ZNF678: variants seen among roughly 807,000 people sequenced by gnomAD.
ZNF678 encodes the protein zinc finger protein 678.
Under a neutral mutation model 3.0 loss-of-function variants are expected in ZNF678, and 5 were observed. That is an observed-to-expected ratio of 1.69 (90% CI 0.88 to 3.56). ZNF678 has a LOEUF of 3.56. Among genes scored for constraint, ZNF678 ranks in the 30% most tolerant of loss-of-function variants. The pLI is 0.00. For synonymous variants in ZNF678, 218 were observed against 199.6 expected, an observed-to-expected ratio of 1.09 and a Z score of -0.78; for missense variants, 593 against 605.0, an observed-to-expected ratio of 0.98 and a Z score of 0.21.
At chr1:227,611,411 CCTCA>C (rs1258747046) in intron 1 of ZNF678, among the ~76,000 whole-genome samples, 2 of 152,166 alleles carry the variant, frequency 1.3e-5, no homozygotes, top group Admixed American at 6.5e-5. Flanking sequence ...AATCAGCCTC[CCTCA>C]CTCACTCACA....
chr1:227,662,595 A>G (rs368517351), downstream of ZNF678: 1 of 152,202 alleles, frequency 6.6e-6, no homozygotes, highest in African/African-American at 2.4e-5. Flanking sequence ...GAAACCCCAA[A>G]TAAGTATTAA....
At chr1:227,629,159 T>C (rs1488167268) in intron 1 of ZNF678, among the ~76,000 whole-genome samples, 3 of 152,162 alleles carry the variant, frequency 2.0e-5, no homozygotes, top group African/African-American at 7.2e-5. Context: ...TCCTTAACAA[T>C]CTTTTGGAGT....
At chr1:227,669,015 A>T (rs1659555169) in intron 5 of ZNF678, among the ~76,000 whole-genome samples, 1 of 152,150 alleles carries the variant, frequency 6.6e-6, no homozygotes, top group Non-Finnish European at 1.5e-5. Flanking sequence ...GGAATTTAAG[A>T]CCAAGCCCCC....
Position 227,601,574 on chromosome 1 carries a change from A to AT in ZNF678, c.-164+37858dup, listed in dbSNP as rs527535456. Among the ~76,000 whole-genome samples, 746 of 129,836 alleles carry AT rather than the reference A, an allele frequency of 5.7e-3. 5 individuals are homozygous for AT. The highest frequency in any genetic ancestry group is 8.8e-3 in the Admixed American group (116 of 13,184). The allele number at this position is 129,836 out of a possible 152,430, so 85.2% of individuals were successfully genotyped here. A position where few individuals can be genotyped will look rare whatever the true frequency, so the allele number is the denominator to read the frequency against. On this transcript the variant is annotated intron_variant, in intron 1 of 3. Transcript: ENST00000343776. Reference sequence around the variant, plus strand: ...AATTTTATTTATTTATTTTTATTTTATTTTTTTTGAGACGGAGTCTCACTC... The same window carrying AT: ...AATTTTATTTATTTATTTTTATTTTATTTTTTTTTGAGACGGAGTCTCACTC...
intron 1 of ZNF678, chr1:227,598,726 A>T (rs145065989): frequency 1.9e-5 from 10 of 526,216 alleles, no homozygotes; most frequent in African/African-American, 1.5e-4. Context: ...TCAGATTATG[A>T]CATGGAGCTT....
At chr1:227,594,848 C>A (rs924210300) in intron 1 of ZNF678, among the ~76,000 whole-genome samples, 6 of 152,200 alleles carry the variant, frequency 3.9e-5, no homozygotes, top group East Asian at 1.9e-4. Context: ...TCCGCCCCCC[C>A]CTTTTTTCCT....
Position 227,658,336 on chromosome 1 carries a change from T to A in ZNF678, c.*2508T>A, listed in dbSNP as rs1295517588. The A allele has an allele frequency of 6.6e-6, 1 of 152,082 alleles. No homozygotes were observed. The highest frequency in any genetic ancestry group is 1.5e-5 in the Non-Finnish European group (1 of 67,968). 9.4% of individuals were successfully genotyped at this position (152,082 alleles called of 1,614,324 possible). A position where few individuals can be genotyped will look rare whatever the true frequency, so the allele number is the denominator to read the frequency against. On this transcript the variant is annotated 3_prime_UTR_variant, in exon 4 of 4. Coordinates refer to ENST00000343776, the MANE Select transcript of ZNF678 (RefSeq NM_001367909.1). Reference sequence around the variant, plus strand: ...CTAGGTTTCCTGGGGGTATAATAGATGCTCTATAATTAGCAGTAAATATTC... The same window carrying A: ...CTAGGTTTCCTGGGGGTATAATAGAAGCTCTATAATTAGCAGTAAATATTC...
chr1:227,672,208 T>C (rs1181428450), intron 5 of ZNF678, among the ~76,000 whole-genome samples: 2 of 152,122 alleles, frequency 1.3e-5, no homozygotes, highest in African/African-American at 4.8e-5. Context: ...AACAGAGCAA[T>C]GACATTATTA....
intron 1 of ZNF678, among the ~76,000 whole-genome samples, chr1:227,642,480 T>C (rs11805477): frequency 0.23 from 34,544 of 152,090 alleles, 4,147 homozygotes; most frequent in East Asian, 0.28. Flanking sequence ...ACCTCACATG[T>C]GAACTCTTAC....
downstream of ZNF678, among the ~76,000 whole-genome samples, chr1:227,665,436 A>G (rs532491293): frequency 8.5e-5 from 13 of 152,328 alleles, no homozygotes; most frequent in East Asian, 2.5e-3. Context: ...AGAATTCAAC[A>G]AAGACAATGG....
At chr1:227,587,251 AT>A (rs33932993) in intron 1 of ZNF678, among the ~76,000 whole-genome samples, 98,998 of 148,914 alleles carry the variant, frequency 0.66, 33,550 homozygotes, top group African/African-American at 0.81. Flanking sequence ...AGCATGTTAG[AT>A]TTTTTTTTTT....
Position 227,563,683 on chromosome 1 carries a change from TA to T in ZNF678, c.-204del. 1 of 1,332,306 alleles carries T rather than the reference TA, an allele frequency of 7.5e-7. No individual in the cohort carries two copies. 82.5% of individuals were successfully genotyped at this position (1,332,306 alleles called of 1,614,324 possible). On this transcript the variant is annotated 5_prime_UTR_variant, in exon 1 of 4. Transcript: ENST00000343776. The stretch of plus-strand genomic sequence containing the variant: ...CCTGTGACCTGCAGGTACTGGGAGT[TA>T]CATAGCTAAGATGCCAGGACACCCC...
Position 227,658,692 on chromosome 1 carries a change from G to A in ZNF678, c.*2864G>A, listed in dbSNP as rs1363804442. On this transcript the variant is annotated 3_prime_UTR_variant, in exon 4 of 4. Transcript: ENST00000343776. ...GAAATTTTTAATATAGTGAAAAATT[G>A]GATTTAACTGGAGAGTTTGAGGACA... 1 of 151,938 alleles carries A rather than the reference G, an allele frequency of 6.6e-6. No homozygotes were observed. The highest frequency in any genetic ancestry group is 1.5e-5 in the Non-Finnish European group (1 of 67,922). 9.4% of individuals were successfully genotyped at this position (151,938 alleles called of 1,614,324 possible). A position where few individuals can be genotyped will look rare whatever the true frequency, so the allele number is the denominator to read the frequency against.
intron 1 of ZNF678, among the ~76,000 whole-genome samples, chr1:227,622,739 G>T (rs1356834167): frequency 6.6e-6 from 1 of 152,120 alleles, no homozygotes; most frequent in Non-Finnish European, 1.5e-5. Flanking sequence ...TGAGGTGGGG[G>T]TTAAGGCTGA....
chr1:227,569,072 A>T (rs1656770131), intron 1 of ZNF678, among the ~76,000 whole-genome samples: 1 of 152,210 alleles, frequency 6.6e-6, no homozygotes, highest in Non-Finnish European at 1.5e-5. Flanking sequence ...GCTAACTGCA[A>T]CCTGGAAATC....
intron 1 of ZNF678, among the ~76,000 whole-genome samples, chr1:227,620,965 GT>G (rs1658266731): frequency 6.6e-6 from 1 of 152,098 alleles, no homozygotes; most frequent in African/African-American, 2.4e-5. Flanking sequence ...AGATTAAAAA[GT>G]TTCTTGCCAG....
intron 1 of ZNF678, among the ~76,000 whole-genome samples, chr1:227,580,448 A>G (rs1033020195): frequency 1.3e-5 from 2 of 152,302 alleles, no homozygotes; most frequent in Admixed American, 1.3e-4. Flanking sequence ...TTATATCCAT[A>G]TTTCTGGAAA....
At chr1:227,570,671 AG>A (rs1656815910) in intron 1 of ZNF678, among the ~76,000 whole-genome samples, 1 of 142,152 alleles carries the variant, frequency 7.0e-6, no homozygotes, top group Non-Finnish European at 1.5e-5. Context: ...ATGGCTGACT[AG>A]TTTTTTTTTT....
intron 2 of ZNF678, among the ~76,000 whole-genome samples, chr1:227,649,936 T>C (rs1490355403): frequency 6.6e-6 from 1 of 152,150 alleles, no homozygotes; most frequent in Non-Finnish European, 1.5e-5. Context: ...TTATTTGATA[T>C]ATGGATTGCA....
Sources: gnomAD v4.1 joint callset for allele counts (sites outside exome capture counted in the v4.1 genomes callset) on GRCh38, gnomAD v4.1.1 for gene constraint, MANE v1.5 for transcripts, NCBI Gene and HGNC (gene_info 2026-07-23, HGNC 2026-07-21) for gene names.